ECHDC2: variants seen among roughly 807,000 people sequenced by gnomAD.
ECHDC2 encodes enoyl-CoA hydratase domain containing 2, also known as enoyl-CoA hydratase domain-containing protein 2, mitochondrial.
A neutral mutation model predicts 40.6 loss-of-function variants in ECHDC2; 34 were observed. The ratio of observed to expected loss-of-function variants is 0.84; its 90% CI spans 0.64 to 1.11. The LOEUF (loss-of-function observed/expected upper bound fraction) is 1.11. Ranked by LOEUF, ECHDC2 falls within the 50% of genes most tolerant of loss-of-function variation. The pLI, the probability that ECHDC2 is intolerant of heterozygous loss-of-function variation, is 0.00. For missense variants in ECHDC2, 392 were observed against 400.7 expected, an observed-to-expected ratio of 0.98 and a Z score of 0.19; for synonymous variants, 162 against 166.6, an observed-to-expected ratio of 0.97 and a Z score of 0.21.
chr1:52,919,898 T>G (rs1206598972), intron 1 of ECHDC2, among the ~76,000 whole-genome samples: 2 of 152,206 alleles, frequency 1.3e-5, no homozygotes, highest in Non-Finnish European at 2.9e-5. Flanking sequence ...GTCATTCTTT[T>G]TTGGATAAAA....
At chr1:52,908,809 C>T (rs1390992617) in intron 3 of ECHDC2, among the ~76,000 whole-genome samples, 1 of 151,596 alleles carries the variant, frequency 6.6e-6, no homozygotes, top group Non-Finnish European at 1.5e-5. Context: ...TGGTGGGCAC[C>T]TGTAATCCCA....
intron 1 of ECHDC2, among the ~76,000 whole-genome samples, chr1:52,921,095 T>C (rs1199835351): frequency 1.3e-5 from 2 of 152,212 alleles, no homozygotes; most frequent in African/African-American, 4.8e-5. Flanking sequence ...AAAGGTTCGC[T>C]AGCGGCCCAG....
intron 7 of ECHDC2, among the ~76,000 whole-genome samples, chr1:52,904,190 T>C (rs1647206830): frequency 6.6e-6 from 1 of 152,210 alleles, no homozygotes; most frequent in Non-Finnish European, 1.5e-5. Flanking sequence ...GTATCTATTT[T>C]AGAATCTTGC....
chr1:52,908,569 T>C (rs550060955), intron 3 of ECHDC2, among the ~76,000 whole-genome samples: 1 of 152,194 alleles, frequency 6.6e-6, no homozygotes, highest in Non-Finnish European at 1.5e-5. Flanking sequence ...AAATCATATA[T>C]CTGATAAAGG....
chr1:52,911,012 G>A (rs1649349694), intron 3 of ECHDC2, among the ~76,000 whole-genome samples: 1 of 152,140 alleles, frequency 6.6e-6, no homozygotes, highest in South Asian at 2.1e-4. Context: ...GAGAGGGGCA[G>A]GAACTAGCCC....
chr1:52,915,166 G>A (rs1246359128), intron 1 of ECHDC2: 3 of 454,760 alleles, frequency 6.6e-6, no homozygotes, highest in Non-Finnish European at 1.3e-5. Flanking sequence ...CTCCTCCTAC[G>A]AAAAATCAGG....
At chr1:52,921,300 C>T in intron 1 of ECHDC2, 1 of 763,094 alleles carries the variant, frequency 1.3e-6, no homozygotes, top group Non-Finnish European at 1.8e-6. Flanking sequence ...CCCCCTTCCA[C>T]ACAGTCGGAA....
At chr1:52,897,763 C>G in intron 8 of ECHDC2, 1 of 544,808 alleles carries the variant, frequency 1.8e-6, no homozygotes, top group Non-Finnish European at 3.3e-6. Flanking sequence ...CCTTTATGAC[C>G]TGGGCCCTGG....
chr1:52,920,742 G>T (rs1047076532), intron 1 of ECHDC2: 26 of 490,222 alleles, frequency 5.3e-5, no homozygotes, highest in Admixed American at 2.5e-4. Context: ...ATAAACTTTT[G>T]TTAAAAAAAA....
At chr1:52,906,633 C>T (rs1190749947) in intron 4 of ECHDC2, 22 bp from the exon 5 acceptor site, 1 of 1,587,390 alleles carries the variant, frequency 6.3e-7, no homozygotes, top group East Asian at 2.3e-5. Context: ...AAGAAAGGCT[C>T]AGCCTGCAAA....
At position 52,911,816 on chromosome 1, in the gene ECHDC2, G is replaced by C. The variant is rs748627067; in HGVS notation, c.122-26C>G. The C allele has an allele frequency of 8.7e-6, 14 of 1,612,900 alleles. No individual in the cohort carries two copies. The South Asian group carries it at 1.5e-4, about 18-fold the overall frequency. On this transcript the variant is annotated intron_variant, in intron 1 of 9. Coordinates refer to ENST00000371522, the MANE Select transcript of ECHDC2 (RefSeq NM_001198961.2). ...CTGTAAGGAGTCAGGGCAGCCACGGGAAAGCAGCTGGCTCTGCCTAATCCT... is the reference window on the plus strand; with the variant it reads ...CTGTAAGGAGTCAGGGCAGCCACGGCAAAGCAGCTGGCTCTGCCTAATCCT...
At chr1:52,896,940 G>A (rs1344822429) in intron 9 of ECHDC2, 1 of 312,868 alleles carries the variant, frequency 3.2e-6, no homozygotes, top group Non-Finnish European at 6.0e-6. Context: ...TTTGAATCCA[G>A]GTTCACACTA....
chr1:52,901,530 C>A (rs1356067244), intron 7 of ECHDC2: 1 of 152,218 alleles, frequency 6.6e-6, no homozygotes, highest in Non-Finnish European at 1.5e-5. Flanking sequence ...TGAGAAAACT[C>A]TGGAACCATT....
chr1:52,919,742 C>G (rs1311969798), intron 1 of ECHDC2, among the ~76,000 whole-genome samples: 4 of 152,226 alleles, frequency 2.6e-5, no homozygotes, highest in Non-Finnish European at 5.9e-5. Context: ...ATGACCCCAA[C>G]TCATTCCCTG....
At chr1:52,921,478 C>A in intron 1 of ECHDC2, 75 bp downstream of exon 1, 2 of 1,514,180 alleles carry the variant, frequency 1.3e-6, no homozygotes, top group South Asian at 1.3e-5. Flanking sequence ...CACTGAGCGG[C>A]CCACCTGCCG....
chr1:52,912,474 C>T (rs1000899928), intron 1 of ECHDC2, among the ~76,000 whole-genome samples: 3 of 152,086 alleles, frequency 2.0e-5, no homozygotes, highest in Admixed American at 6.6e-5. Context: ...TCCCAAAGTG[C>T]TGGGATTACA....
intron 8 of ECHDC2, chr1:52,898,575 C>T (rs1287248528): frequency 3.8e-5 from 6 of 158,116 alleles, no homozygotes; most frequent in Non-Finnish European, 7.0e-5. Context: ...CCGCAAAGCT[C>T]TAACCTTTCT....
chr1:52,901,183 T>TAAAC (rs2150039231), intron 7 of ECHDC2: 1 of 148,434 alleles, frequency 6.7e-6, no homozygotes, highest in African/African-American at 2.5e-5. Flanking sequence ...AATAAATAAA[T>TAAAC]AAATAAATAA....
In ECHDC2 at chr1:52,904,701, T is replaced by G. The variant is rs746038297; in HGVS notation, c.647A>C (p.Glu216Ala). The part of the protein sequence containing the change: ...LVNHAVAQNE[E>A]GDAAYQRARA... ...TGCCCGCTGGTAGGCGGCGTCCCCC[T>G]CCTCGTTCTGGGCCACAGCGTGATT... Residue 216 changes from glutamate (E) to alanine (A), a missense_variant, in exon 7 of 10, where the codon GAG becomes GCG. By Grantham distance (107) the Glu-to-Ala change is moderately radical. Transcript: ENST00000371522. The G allele has an allele frequency of 1.2e-6, 2 of 1,612,020 alleles. No individual in the cohort carries two copies. The highest frequency in any genetic ancestry group is 1.3e-5 in the African/African-American group (1 of 74,900).
Sources: allele counts gnomAD v4.1 joint callset (sites outside exome capture counted in the v4.1 genomes callset), GRCh38; gene constraint gnomAD v4.1.1; transcripts MANE v1.5; gene names NCBI Gene and HGNC (gene_info 2026-07-23, HGNC 2026-07-21).